The following PLXDC2 variants were observed in gnomAD, a reference collection of about 807,000 sequenced individuals.
PLXDC2 encodes the protein plexin domain-containing protein 2.
Under a neutral mutation model 68.9 loss-of-function variants are expected in PLXDC2, and 40 were observed. The ratio of observed to expected loss-of-function variants is 0.58; its 90% confidence interval spans 0.45 to 0.76. PLXDC2 has a LOEUF of 0.76. Among genes scored for constraint, PLXDC2 ranks in the 30% least tolerant of loss-of-function variants. PLXDC2 has a pLI of 0.00. For synonymous variants in PLXDC2, 243 were observed against 234.2 expected (o/e 1.04, Z -0.34); for missense variants, 644 against 661.9 (o/e 0.97, Z 0.30).
In PLXDC2 at chr10:19,994,275, TTA is replaced by T. The variant is rs1235329337; in HGVS notation, c.113-7499_113-7498del. 5.1e-4 allele frequency among the ~76,000 whole-genome samples: 61 copies of T among 118,540 alleles called. 2 individuals carry two copies. The highest frequency in any genetic ancestry group is 1.2e-3 in the South Asian group (5 of 4,024). 77.8% of individuals were successfully genotyped at this position (118,540 alleles called of 152,430 possible). On this transcript the variant is annotated intron_variant, in intron 1 of 13. Coordinates refer to ENST00000377252, the MANE Select transcript of PLXDC2 (RefSeq NM_032812.9). Reference sequence around the variant, plus strand: ...CTCCTTTTTTTTTTTTTTTTTTTTTTTAACCATTTTCTCTGACTACTTGGAAA... The same window carrying T: ...CTCCTTTTTTTTTTTTTTTTTTTTTTACCATTTTCTCTGACTACTTGGAAA...
intron 1 of PLXDC2, among the ~76,000 whole-genome samples, chr10:19,824,599 T>G (rs528498067): frequency 6.6e-6 from 1 of 152,324 alleles, no homozygotes; most frequent in East Asian, 1.9e-4. Context: ...ACACAGGATA[T>G]CTTCCCTCAC....
At chr10:20,146,520 C>CTTCCTTCT (rs769963841) in intron 5 of PLXDC2, among the ~76,000 whole-genome samples, 7 of 142,106 alleles carry the variant, frequency 4.9e-5, no homozygotes, top group Admixed American at 2.2e-4. Context: ...TCCTTCCTTC[C>CTTCCTTCT]TCCCTCCCTC....
At chr10:20,137,281 C>G (rs1833946726) in intron 4 of PLXDC2, among the ~76,000 whole-genome samples, 1 of 152,202 alleles carries the variant, frequency 6.6e-6, no homozygotes. Flanking sequence ...GTAGTACTGA[C>G]TCTTTCAGCC....
At chr10:19,951,132 A>C (rs1053135589) in intron 1 of PLXDC2, among the ~76,000 whole-genome samples, 5 of 152,124 alleles carry the variant, frequency 3.3e-5, no homozygotes, top group African/African-American at 1.2e-4. Context: ...GCAACAAAAA[A>C]ATCAATAAGT....
rs1835809010 is a variant in PLXDC2, at chr10:20,046,976, G to A, written c.432G>A (p.Lys144=). 1 of 1,611,940 alleles carries A rather than the reference G, an allele frequency of 6.2e-7. No homozygotes were observed. The highest frequency in any genetic ancestry group is 1.7e-5 in the Admixed American group (1 of 59,600). The part of the protein sequence containing the change: ...NIDQMEKDKV[K]IHGILSNTHR... ...ACCAAATGGAAAAAGATAAAGTGAAGATTCATGGAATATTGTCCAATACTC... is the reference window on the plus strand; with the variant it reads ...ACCAAATGGAAAAAGATAAAGTGAAAATTCATGGAATATTGTCCAATACTC... Residue 144 remains lysine, a synonymous_variant, in exon 3 of 14, where the codon AAG becomes AAA. Coordinates refer to ENST00000377252, the MANE Select transcript of PLXDC2 (RefSeq NM_032812.9).
intron 4 of PLXDC2, among the ~76,000 whole-genome samples, chr10:20,119,150 A>C (rs1156462978): frequency 5.9e-5 from 9 of 152,250 alleles, no homozygotes; most frequent in Admixed American, 2.6e-4. Flanking sequence ...CGAACATGTA[A>C]GAGACATGTG....
intron 1 of PLXDC2, among the ~76,000 whole-genome samples, chr10:19,944,196 GA>G (rs1833864462): frequency 6.6e-6 from 1 of 152,122 alleles, no homozygotes; most frequent in Non-Finnish European, 1.5e-5. Context: ...GAAGAATAGA[GA>G]AGTGAAAGGT....
chr10:20,189,862 C>T (rs1459737013), intron 9 of PLXDC2, among the ~76,000 whole-genome samples: 1 of 151,540 alleles, frequency 6.6e-6, no homozygotes, highest in Admixed American at 6.6e-5. Context: ...AGTCATCTAC[C>T]AGTCTTTAAT....
At chr10:20,210,017 A>G (rs4336931) in intron 9 of PLXDC2, among the ~76,000 whole-genome samples, 111,146 of 152,012 alleles carry the variant, frequency 0.73, 40,849 homozygotes, top group East Asian at 0.96. Flanking sequence ...CCCTCTGTTC[A>G]GGGTCCCTGA....
intron 4 of PLXDC2, among the ~76,000 whole-genome samples, chr10:20,119,520 G>A (rs1004383850): frequency 3.4e-5 from 5 of 146,658 alleles, no homozygotes; most frequent in African/African-American, 1.2e-4. Context: ...AATGTCATCA[G>A]TTAACGCAGG....
intron 1 of PLXDC2, among the ~76,000 whole-genome samples, chr10:19,857,493 A>G (rs1837236943): frequency 6.6e-6 from 1 of 152,244 alleles, no homozygotes; most frequent in African/African-American, 2.4e-5. Flanking sequence ...TCATATACTT[A>G]AATATTCTTC....
chr10:20,245,237 A>G (rs981716980), intron 12 of PLXDC2, 108 bp from the exon 13 acceptor site: 4 of 1,226,928 alleles, frequency 3.3e-6, no homozygotes, highest in Non-Finnish European at 4.3e-6. Context: ...TTGTCCAGGA[A>G]GTAAAGATCC....
intron 9 of PLXDC2, among the ~76,000 whole-genome samples, chr10:20,194,883 A>G (rs191388744): frequency 5.4e-5 from 8 of 148,012 alleles, no homozygotes; most frequent in Non-Finnish European, 8.9e-5. Context: ...CTCAATTACT[A>G]TTATGTGGCA....
chr10:19,955,627 C>T (rs1321948678), intron 1 of PLXDC2, among the ~76,000 whole-genome samples: 7 of 151,894 alleles, frequency 4.6e-5, no homozygotes, highest in Admixed American at 3.3e-4. Context: ...AGATAAAATA[C>T]GTAAAACACA....
At chr10:20,104,553 A>C (rs1200118206) in intron 4 of PLXDC2, among the ~76,000 whole-genome samples, 2 of 152,314 alleles carry the variant, frequency 1.3e-5, no homozygotes. Flanking sequence ...TGAAAGTAGC[A>C]ACTCTTTACT....
chr10:19,846,596 A>G (rs1460323114), intron 1 of PLXDC2, among the ~76,000 whole-genome samples: 1 of 152,106 alleles, frequency 6.6e-6, no homozygotes, highest in East Asian at 1.9e-4. Flanking sequence ...TCCATAATAA[A>G]CCCTGCATGG....
chr10:20,060,853 G>T (rs1836090446), intron 3 of PLXDC2, among the ~76,000 whole-genome samples: 1 of 152,170 alleles, frequency 6.6e-6, no homozygotes, highest in Non-Finnish European at 1.5e-5. Flanking sequence ...GGTAGGAAAT[G>T]AATCACGTAG....
chr10:20,149,375 A>G (rs1184993609), intron 6 of PLXDC2, among the ~76,000 whole-genome samples: 3 of 150,512 alleles, frequency 2.0e-5, no homozygotes, highest in Admixed American at 1.3e-4. Flanking sequence ...AGTAACTGGG[A>G]TTACAGGCAT....
At chr10:20,131,611 G>T (rs1833869227) in intron 4 of PLXDC2, among the ~76,000 whole-genome samples, 1 of 152,054 alleles carries the variant, frequency 6.6e-6, no homozygotes, top group African/African-American at 2.4e-5. Context: ...TATTGGTCAG[G>T]CTGGTCTTGA....
Sources: allele counts gnomAD v4.1 joint callset (sites outside exome capture counted in the v4.1 genomes callset), GRCh38; gene constraint gnomAD v4.1.1; transcripts MANE v1.5; gene names NCBI Gene and HGNC (gene_info 2026-07-23, HGNC 2026-07-21).